C8orf34: variants seen among roughly 807,000 people sequenced by gnomAD.
C8orf34 encodes the protein uncharacterized protein C8orf34.
In C8orf34, 65 loss-of-function variants were observed where a neutral mutation model predicts 68.3. The ratio of observed to expected loss-of-function variants is 0.95; its 90% CI spans 0.78 to 1.17. The LOEUF is 1.17. Ranked by LOEUF, C8orf34 falls within the 50% of genes most tolerant of loss-of-function variation. C8orf34 has a pLI of 0.00. For missense variants in C8orf34, 664 were observed against 655.4 expected (o/e 1.01, Z -0.14); for synonymous variants, 244 against 241.2 (o/e 1.01, Z -0.11).
chr8:68,542,576 T>G (rs1471844022), intron 7 of C8orf34, among the ~76,000 whole-genome samples: 2 of 152,180 alleles, frequency 1.3e-5, no homozygotes, highest in African/African-American at 4.8e-5. Context: ...GAAAGATATC[T>G]TTATTCATAT....
At chr8:68,759,085 CACAA>C (rs903537481) in intron 10 of C8orf34, among the ~76,000 whole-genome samples, 1 of 152,106 alleles carries the variant, frequency 6.6e-6, no homozygotes, top group African/African-American at 2.4e-5. Flanking sequence ...CATACATATA[CACAA>C]ACACACACAC....
rs149290162 is a variant in C8orf34 at position 68,708,794 on chromosome 8, G to A, written c.1242-200G>A. 1.9e-3 allele frequency among the ~76,000 whole-genome samples: 293 copies of A among 152,316 alleles called. 2 individuals carry two copies. Among genetic ancestry groups the A allele is most frequent in the Admixed American group, 3.1e-3 (48 of 15,298 alleles). On this transcript the variant is annotated intron_variant, in intron 8 of 13. Transcript: ENST00000518698. ...AATCCTGGTATGTATGTAACAGGAA[G>A]TATAGAAGACTTTTCCTTAATGGTT...
In C8orf34 at chr8:68,709,036, A is replaced by G. The variant is rs766946080; in HGVS notation, c.1284A>G (p.Leu428=). 1 of 1,610,600 alleles carries G rather than the reference A, an allele frequency of 6.2e-7. No homozygotes were observed. The highest frequency in any genetic ancestry group is 1.3e-5 in the African/African-American group (1 of 74,754). ...TGGAAGAAAGGACAGAAGAGTCACTACCAATACTCCATTCTCCAGATGAAA... is the reference window on the plus strand; with the variant it reads ...TGGAAGAAAGGACAGAAGAGTCACTGCCAATACTCCATTCTCCAGATGAAA... The part of the protein sequence containing the change: ...DNLEERTEES[L]PILHSPDEKI... The change falls in exon 9 of 14, where the codon CTA becomes CTG. Residue 428 remains leucine, a synonymous_variant. Transcript: ENST00000518698.
rs117956511 is a variant in C8orf34, at chr8:68,394,871, T to A, written c.328-44628T>A. On this transcript the variant is annotated intron_variant, in intron 1 of 13. Coordinates refer to ENST00000518698, the MANE Select transcript of C8orf34 (RefSeq NM_052958.4). ...AGAAAATACTAAGGAATAAAACCAC[T>A]TCCTTTAAAAATGTGGTAATTCTAG... is the stretch of plus-strand genomic sequence containing the variant. Among the ~76,000 whole-genome samples, 344 of 152,182 alleles carry A rather than the reference T, an allele frequency of 2.3e-3. 1 individual carries two copies. The highest frequency in any genetic ancestry group is 4.2e-3 in the Non-Finnish European group (283 of 67,988).
intron 8 of C8orf34, among the ~76,000 whole-genome samples, chr8:68,704,080 C>G (rs1304059022): frequency 1.3e-5 from 2 of 152,008 alleles, no homozygotes; most frequent in Non-Finnish European, 2.9e-5. Flanking sequence ...TAAAATATAC[C>G]AAGCTCTATC....
intron 4 of C8orf34, among the ~76,000 whole-genome samples, chr8:68,484,015 A>G (rs889937599): frequency 1.3e-5 from 2 of 152,194 alleles, no homozygotes; most frequent in Admixed American, 1.3e-4. Flanking sequence ...AATTTATAAG[A>G]AAGGGGGTTT....
intron 8 of C8orf34, among the ~76,000 whole-genome samples, chr8:68,677,878 G>T (rs1820241836): frequency 6.6e-6 from 1 of 152,020 alleles, no homozygotes; most frequent in African/African-American, 2.4e-5. Flanking sequence ...CCAAATAAAT[G>T]AAATCAGAGA....
At chr8:68,345,566 A>G (rs1370073759) in intron 1 of C8orf34, among the ~76,000 whole-genome samples, 1 of 151,980 alleles carries the variant, frequency 6.6e-6, no homozygotes, top group Non-Finnish European at 1.5e-5. Context: ...AGGAAGAATC[A>G]ATATTCATAG....
chr8:68,640,623 C>A (rs187825955), intron 8 of C8orf34, 112 bp downstream of exon 8: 1 of 1,114,946 alleles, frequency 9.0e-7, no homozygotes, highest in Non-Finnish European at 1.2e-6. Flanking sequence ...TTCCTTCCAG[C>A]GATCTTTTGT....
rs1325688113 is a variant in C8orf34, at chr8:68,446,479, C to G, written c.607+19C>G. 1 of 1,603,416 alleles carries G rather than the reference C, an allele frequency of 6.2e-7. No individual in the cohort carries two copies. Among genetic ancestry groups the G allele is most frequent in the Non-Finnish European group, 8.5e-7 (1 of 1,176,502 alleles). On this transcript the variant is annotated intron_variant, in intron 3 of 13. Transcript: ENST00000518698. ...AAATCATGTAAGGAAGTCTCTTATT[C>G]AAATGCTATTCAAAGCATGTAAGTT...
In C8orf34 at chr8:68,410,390, C is replaced by A. The variant is rs551782698; in HGVS notation, c.328-29109C>A. 4.6e-5 allele frequency among the ~76,000 whole-genome samples: 7 copies of A among 152,212 alleles called. No individual in the cohort carries two copies. The South Asian group carries it at 1.2e-3, about 27-fold the overall frequency. On this transcript the variant is annotated intron_variant, in intron 1 of 13. Transcript: ENST00000518698. The stretch of plus-strand genomic sequence containing the variant: ...AATACAAATGAAAACAGTATTATAT[C>A]TATTTACAGAGAATTTACATTGTAT...
At chr8:68,684,615 T>C (rs1820459104) in intron 8 of C8orf34, among the ~76,000 whole-genome samples, 1 of 152,098 alleles carries the variant, frequency 6.6e-6, no homozygotes, top group South Asian at 2.1e-4. Context: ...ATCTCTGACA[T>C]TATATATGAT....
chr8:68,373,742 T>C (rs1026600385), intron 1 of C8orf34, among the ~76,000 whole-genome samples: 2 of 152,230 alleles, frequency 1.3e-5, no homozygotes, highest in Non-Finnish European at 2.9e-5. Flanking sequence ...GTGAATACTT[T>C]GGAGTTTATT....
intron 1 of C8orf34, among the ~76,000 whole-genome samples, chr8:68,350,888 C>T (rs1419217927): frequency 6.6e-6 from 1 of 151,954 alleles, no homozygotes; most frequent in African/African-American, 2.4e-5. Flanking sequence ...AGACAGTATA[C>T]CGTTAGGTCT....
chr8:68,442,034 GATA>G (rs1291031211), intron 2 of C8orf34, among the ~76,000 whole-genome samples: 2 of 152,160 alleles, frequency 1.3e-5, no homozygotes, highest in African/African-American at 4.8e-5. Context: ...ATATCATACA[GATA>G]ATAATAAGAG....
intron 7 of C8orf34, among the ~76,000 whole-genome samples, chr8:68,608,279 G>A (rs1316911634): frequency 1.3e-5 from 2 of 151,660 alleles, no homozygotes; most frequent in African/African-American, 4.9e-5. Flanking sequence ...GCTATGTAGA[G>A]ATGAAGGCTG....
At chr8:68,583,722 T>C (rs1446389590) in intron 7 of C8orf34, among the ~76,000 whole-genome samples, 5 of 152,190 alleles carry the variant, frequency 3.3e-5, no homozygotes, top group African/African-American at 9.6e-5. Flanking sequence ...TACAAATATT[T>C]AAATGGCGAA....
chr8:68,735,599 A>G (rs898223828), intron 10 of C8orf34, among the ~76,000 whole-genome samples: 1 of 91,182 alleles, frequency 1.1e-5, no homozygotes, highest in African/African-American at 4.9e-5. Context: ...AACTTTTTCA[A>G]GACTCATAAA....
chr8:68,530,830 G>A (rs927754671), intron 6 of C8orf34, among the ~76,000 whole-genome samples: 5 of 152,024 alleles, frequency 3.3e-5, no homozygotes, highest in African/African-American at 1.2e-4. Context: ...TTTCTGTTGG[G>A]AACCTAAGTT....
Sources: gnomAD v4.1 joint callset for allele counts (sites outside exome capture counted in the v4.1 genomes callset) on GRCh38, gnomAD v4.1.1 for gene constraint, MANE v1.5 for transcripts, NCBI Gene and HGNC (gene_info 2026-07-23, HGNC 2026-07-21) for gene names.